The following HIVEP3 variants were observed in gnomAD, a reference collection of about 807,000 sequenced individuals.
HIVEP3 encodes the protein transcription factor HIVEP3.
A neutral mutation model predicts 152.8 loss-of-function variants in HIVEP3; 49 were observed. The ratio of observed to expected loss-of-function variants is 0.32; its 90% CI spans 0.26 to 0.41. The LOEUF (loss-of-function observed/expected upper bound fraction) is 0.41, where lower values mean the gene tolerates loss of function less well. Among genes scored for constraint, HIVEP3 ranks in the 10% least tolerant of loss-of-function variants. HIVEP3 has a pLI of 1.00. For synonymous variants in HIVEP3, 1,269 were observed against 1,289.0 expected (o/e 0.98, Z 0.33); for missense variants, 2,790 against 3,103.3 (o/e 0.90, Z 2.40).
intron 4 of HIVEP3, among the ~76,000 whole-genome samples, chr1:41,577,276 C>T (rs2759250): frequency 0.99 from 150,910 of 152,370 alleles, 74,744 homozygotes; most frequent in East Asian, 1. Flanking sequence ...AAGCACACTC[C>T]GCATGTCTTA....
chr1:41,786,255 G>C (rs540544959), intron 1 of HIVEP3, among the ~76,000 whole-genome samples: 1 of 152,184 alleles, frequency 6.6e-6, no homozygotes, highest in Non-Finnish European at 1.5e-5. Context: ...ACGATGACAG[G>C]AGTCAACAGA....
chr1:41,785,047 A>G (rs1352365019), intron 1 of HIVEP3, among the ~76,000 whole-genome samples: 1 of 152,192 alleles, frequency 6.6e-6, no homozygotes, highest in Non-Finnish European at 1.5e-5. Flanking sequence ...TGTCCTGCAC[A>G]AGTCACGGAA....
At chr1:41,967,499 G>A (rs1645205789) in intron 1 of HIVEP3, among the ~76,000 whole-genome samples, 1 of 152,188 alleles carries the variant, frequency 6.6e-6, no homozygotes, top group Non-Finnish European at 1.5e-5. Flanking sequence ...TGAAACTAAT[G>A]AGAACAAAGA....
At chr1:41,526,229 C>T (rs1642899046) in intron 5 of HIVEP3, among the ~76,000 whole-genome samples, 1 of 151,630 alleles carries the variant, frequency 6.6e-6, no homozygotes, top group Non-Finnish European at 1.5e-5. Context: ...ACCACCACAC[C>T]CCCACCCTCA....
intron 3 of HIVEP3, among the ~76,000 whole-genome samples, chr1:41,586,733 T>C (rs1644511785): frequency 6.6e-6 from 1 of 152,218 alleles, no homozygotes; most frequent in African/African-American, 2.4e-5. Context: ...GACACTGTGA[T>C]ATGCTTTGGA....
intron 1 of HIVEP3, among the ~76,000 whole-genome samples, chr1:41,769,909 C>T (rs1290918670): frequency 6.6e-6 from 1 of 152,062 alleles, no homozygotes; most frequent in African/African-American, 2.4e-5. Flanking sequence ...CTTAGAATAC[C>T]ACAGTAAAAA....
intron 1 of HIVEP3, among the ~76,000 whole-genome samples, chr1:42,007,893 G>A (rs567344888): frequency 3.3e-5 from 5 of 152,252 alleles, no homozygotes; most frequent in African/African-American, 1.2e-4. Flanking sequence ...TGCTCTAGAG[G>A]TAACATATCT....
intron 1 of HIVEP3, among the ~76,000 whole-genome samples, chr1:42,000,057 C>G (rs189426): frequency 0.6 from 91,162 of 152,010 alleles, 27,952 homozygotes; most frequent in African/African-American, 0.73. Flanking sequence ...TAATTGAAAA[C>G]TTAGTGTGTA....
intron 2 of HIVEP3, among the ~76,000 whole-genome samples, chr1:41,657,650 A>T (rs1336151536): frequency 6.6e-6 from 1 of 152,234 alleles, no homozygotes; most frequent in South Asian, 2.1e-4. Flanking sequence ...AGGCACAGGT[A>T]TCTAATGAGA....
At chr1:41,767,551 C>A (rs1648092318) in intron 1 of HIVEP3, among the ~76,000 whole-genome samples, 2 of 152,168 alleles carry the variant, frequency 1.3e-5, no homozygotes, top group African/African-American at 4.8e-5. Flanking sequence ...TGCAGCCCTG[C>A]CTTTGTCCTG....
At chr1:41,795,274 C>T (rs923380176) in intron 1 of HIVEP3, among the ~76,000 whole-genome samples, 4 of 152,124 alleles carry the variant, frequency 2.6e-5, no homozygotes, top group African/African-American at 9.7e-5. Context: ...AGTCCTGGTA[C>T]AGTATTTTGT....
chr1:41,820,428 T>G (rs983318362), intron 1 of HIVEP3, among the ~76,000 whole-genome samples: 12 of 152,046 alleles, frequency 7.9e-5, no homozygotes, highest in Non-Finnish European at 1.6e-4. Context: ...ACCTCTTATA[T>G]TAATACATGT....
intron 1 of HIVEP3, among the ~76,000 whole-genome samples, chr1:41,889,614 G>A (rs567745129): frequency 1.7e-4 from 26 of 152,242 alleles, no homozygotes; most frequent in Non-Finnish European, 3.7e-4. Flanking sequence ...AAAAATTCAC[G>A]CATTCTAGAG....
chr1:41,872,567 A>T (rs1289362436), intron 1 of HIVEP3, among the ~76,000 whole-genome samples: 1 of 151,684 alleles, frequency 6.6e-6, no homozygotes, highest in Non-Finnish European at 1.5e-5. Context: ...CCTCTATCCC[A>T]CCCCAAGGCA....
chr1:41,586,365 A>ATC, intron 3 of HIVEP3, among the ~76,000 whole-genome samples: 1 of 152,318 alleles, frequency 6.6e-6, no homozygotes, highest in East Asian at 1.9e-4. Flanking sequence ...GACTTTGGAC[A>ATC]TCATGAAGAT....
intron 1 of HIVEP3, among the ~76,000 whole-genome samples, chr1:41,990,002 A>T: frequency 1.1e-3 from 2 of 1,856 alleles, no homozygotes; most frequent in African/African-American, 9.0e-3. Flanking sequence ...TAGTTGATGC[A>T]GTTTCTCCTA....
chr1:41,902,859 G>T (rs1166662490), intron 1 of HIVEP3, among the ~76,000 whole-genome samples: 1 of 152,234 alleles, frequency 6.6e-6, no homozygotes, highest in Admixed American at 6.5e-5. Flanking sequence ...TTCAAAGAAA[G>T]ACATCGAGGC....
At chr1:41,638,256 G>GAGAAGGAAA (rs1553241162) in intron 2 of HIVEP3, among the ~76,000 whole-genome samples, 1 of 120,884 alleles carries the variant, frequency 8.3e-6, no homozygotes, top group Non-Finnish European at 1.7e-5. Context: ...AAGAAAGAGA[G>GAGAAGGAAA]AGAAAGAAAG....
chr1:41,766,331 A>G (rs1054750044), intron 1 of HIVEP3, among the ~76,000 whole-genome samples: 3 of 152,234 alleles, frequency 2.0e-5, no homozygotes, highest in Admixed American at 2.0e-4. Flanking sequence ...GTTGTTAACT[A>G]TCATACAAGG....
Sources: allele counts gnomAD v4.1 joint callset (sites outside exome capture counted in the v4.1 genomes callset), GRCh38; gene constraint gnomAD v4.1.1; transcripts MANE v1.5; gene names NCBI Gene and HGNC (gene_info 2026-07-23, HGNC 2026-07-21).